Variants in GRM1 observed in about 807,000 individuals in gnomAD.
GRM1 encodes the protein metabotropic glutamate receptor 1.
Under a neutral mutation model 90.9 loss-of-function variants are expected in GRM1, and 33 were observed. The observed-to-expected ratio is 0.36, with a 90% CI of 0.28 to 0.49. GRM1 has a LOEUF of 0.49. GRM1 is among the 20% of genes least tolerant of loss of function. The pLI is 0.99. For synonymous variants in GRM1, 700 were observed against 613.2 expected (o/e 1.14, Z -2.09); for missense variants, 1,190 against 1,534.3 (o/e 0.78, Z 3.75).
chr6:146,373,902 G>GA (rs1051230660), intron 5 of GRM1, among the ~76,000 whole-genome samples: 1 of 152,054 alleles, frequency 6.6e-6, no homozygotes, highest in Admixed American at 6.6e-5. Context: ...GTACTATGTT[G>GA]AAAAGCAGTG....
intron 6 of GRM1, among the ~76,000 whole-genome samples, chr6:146,397,473 C>CAAAAAAAAAAAAAAA (rs1195779695): frequency 4.8e-4 from 8 of 16,764 alleles, no homozygotes; most frequent in African/African-American, 1.1e-3. Flanking sequence ...GACCCCGTCT[C>CAAAAAAAAAAAAAAA]AAAAAAAAAA....
At chr6:146,262,092 A>C (rs2114794977) in intron 2 of GRM1, among the ~76,000 whole-genome samples, 1 of 151,830 alleles carries the variant, frequency 6.6e-6, no homozygotes, top group East Asian at 1.9e-4. Context: ...AACAAAAAAA[A>C]AAAAAAGAAG....
intron 3 of GRM1, among the ~76,000 whole-genome samples, chr6:146,315,652 A>C (rs1306895599): frequency 6.6e-6 from 1 of 152,194 alleles, no homozygotes; most frequent in Non-Finnish European, 1.5e-5. Context: ...TAGAATCAGA[A>C]TCTTTGGAGT....
chr6:146,145,214 T>G (rs920669840), intron 1 of GRM1, among the ~76,000 whole-genome samples: 1 of 152,172 alleles, frequency 6.6e-6, no homozygotes, highest in Admixed American at 6.5e-5. Flanking sequence ...TGAAAAAGTA[T>G]GTTCAGATGA....
chr6:146,062,038 A>G (rs555809886), intron 1 of GRM1, among the ~76,000 whole-genome samples: 15 of 152,268 alleles, frequency 9.9e-5, no homozygotes, highest in Admixed American at 3.3e-4. Context: ...ATAAAGACAC[A>G]CACGCACGTA....
At chr6:146,210,713 A>T (rs543849109) in intron 2 of GRM1, among the ~76,000 whole-genome samples, 1 of 152,306 alleles carries the variant, frequency 6.6e-6, no homozygotes, top group South Asian at 2.1e-4. Flanking sequence ...CAATGTTAGC[A>T]AAAGTATTTG....
chr6:146,289,499 A>G (rs761981164), intron 2 of GRM1, among the ~76,000 whole-genome samples: 6 of 152,232 alleles, frequency 3.9e-5, no homozygotes, highest in Non-Finnish European at 4.4e-5. Context: ...CAAAAGTTAC[A>G]GTAAACTAAG....
Position 146,434,006 on chromosome 6 carries a change from C to A in GRM1, c.2795C>A (p.Pro932His). 6.2e-7 allele frequency: 1 copy of A among 1,614,110 alleles called. No individual in the cohort carries two copies. Among genetic ancestry groups the A allele is most frequent in the Non-Finnish European group, 8.5e-7 (1 of 1,179,994 alleles). ...TGCAACCAAACAGCCGTCATCAAGC[C>A]CCTCACTAAAAGTTACCAAGGCTCT... The part of the protein sequence containing the change: ...TACNQTAVIK[P>H]LTKSYQGSGK... Residue 932 changes from proline to histidine, a missense_variant, in exon 8 of 8, where the codon CCC (proline) becomes CAC (histidine). Pro to His is a moderately conservative substitution (Grantham distance 77, BLOSUM62 -2). Around this residue, in one of 10 missense-constraint regions of GRM1, gnomAD observed 400 missense variants for 360.8 expected, o/e 1.11. Transcript: ENST00000282753.
chr6:146,369,963 C>G (rs1344707120), intron 5 of GRM1, among the ~76,000 whole-genome samples: 2 of 151,972 alleles, frequency 1.3e-5, no homozygotes, highest in African/African-American at 4.8e-5. Flanking sequence ...CTATCTGTCT[C>G]TTTATGTCTA....
chr6:146,104,771 TA>T (rs1167348637), intron 1 of GRM1, among the ~76,000 whole-genome samples: 26 of 152,292 alleles, frequency 1.7e-4, no homozygotes, highest in African/African-American at 6.3e-4. Context: ...CACCATACTG[TA>T]AAAAATGACT....
chr6:146,111,439 AAC>A (rs1775555294), intron 1 of GRM1, among the ~76,000 whole-genome samples: 1 of 152,222 alleles, frequency 6.6e-6, no homozygotes, highest in Non-Finnish European at 1.5e-5. Flanking sequence ...AGGCAAGTAA[AAC>A]AGATTGTCAA....
At chr6:146,056,084 CT>C (rs1775470903) in intron 1 of GRM1, among the ~76,000 whole-genome samples, 1 of 152,068 alleles carries the variant, frequency 6.6e-6, no homozygotes, top group Non-Finnish European at 1.5e-5. Context: ...CAGATTAGAA[CT>C]CATATTTCTC....
intron 7 of GRM1, among the ~76,000 whole-genome samples, chr6:146,424,323 C>T (rs1247998734): frequency 1.3e-5 from 2 of 152,316 alleles, no homozygotes; most frequent in Admixed American, 6.5e-5. Flanking sequence ...CTGATCTTGT[C>T]GGGACTTATG....
chr6:146,322,894 T>C (rs1784251165), intron 3 of GRM1, among the ~76,000 whole-genome samples: 1 of 152,106 alleles, frequency 6.6e-6, no homozygotes, highest in Admixed American at 6.5e-5. Context: ...AGAATGATGG[T>C]TTCTAGATTC....
At chr6:146,334,253 G>A (rs961333721) in intron 3 of GRM1, among the ~76,000 whole-genome samples, 50 of 152,158 alleles carry the variant, frequency 3.3e-4, no homozygotes, top group African/African-American at 1.2e-3. Flanking sequence ...TTCTGCCTCT[G>A]GACTAGATGT....
chr6:146,298,647 A>C (rs538259842), intron 2 of GRM1, among the ~76,000 whole-genome samples: 1 of 152,284 alleles, frequency 6.6e-6, no homozygotes, highest in Non-Finnish European at 1.5e-5. Flanking sequence ...TATCTTTGTG[A>C]GGTGTTTGAA....
At position 146,379,581 on chromosome 6, in the gene GRM1, CTTATT is replaced by C. The variant is rs890235676; in HGVS notation, c.1603-7307_1603-7303del. On this transcript the variant is annotated intron_variant, in intron 5 of 7. Coordinates refer to ENST00000282753, the MANE Select transcript of GRM1 (RefSeq NM_001278064.2). The stretch of plus-strand genomic sequence containing the variant: ...TTTCTCCAAGATTGGTTTCCGGTGT[CTTATT>C]TAGTTAATTTAGTGAGGTCATGTTT... Among the ~76,000 whole-genome samples the C allele has an allele frequency of 1.1e-4, 17 of 152,036 alleles. No individual in the cohort carries two copies. In the South Asian group the frequency reaches 3.1e-3, roughly 28 times the overall value.
chr6:146,064,448 C>G (rs1157385489), intron 1 of GRM1, among the ~76,000 whole-genome samples: 1 of 152,006 alleles, frequency 6.6e-6, no homozygotes, highest in Non-Finnish European at 1.5e-5. Flanking sequence ...AATTCTGTAC[C>G]AATGTTTTAG....
chr6:146,243,929 G>C (rs949133989), intron 2 of GRM1, among the ~76,000 whole-genome samples: 3 of 152,114 alleles, frequency 2.0e-5, no homozygotes, highest in Admixed American at 6.6e-5. Flanking sequence ...TCTCCAGGCT[G>C]TTCTTTGCTG....
Sources: allele counts gnomAD v4.1 joint callset (sites outside exome capture counted in the v4.1 genomes callset), GRCh38; gene constraint gnomAD v4.1.1; regional missense constraint gnomAD v4.1.1; transcripts MANE v1.5; gene names NCBI Gene and HGNC (gene_info 2026-07-23, HGNC 2026-07-21).